The following BPIFB4 variants were observed in gnomAD, a reference collection of about 807,000 sequenced individuals.
BPIFB4 encodes BPI fold containing family B member 4.
Under a neutral mutation model 69.2 loss-of-function variants are expected in BPIFB4, and 62 were observed. The observed-to-expected ratio is 0.90, with a 90% CI of 0.73 to 1.11. The LOEUF (loss-of-function observed/expected upper bound fraction) is 1.11. Ranked by LOEUF, BPIFB4 falls within the 50% of genes least tolerant of loss-of-function variation. The pLI is 0.00. For missense variants in BPIFB4, 789 were observed against 792.0 expected (o/e 1.00, Z 0.04); for synonymous variants, 330 against 332.7 (o/e 0.99, Z 0.09).
At chr20:33,087,573 T>G (rs1600554869) in intron 7 of BPIFB4, among the ~76,000 whole-genome samples, 2 of 152,240 alleles carry the variant, frequency 1.3e-5, no homozygotes, top group East Asian at 3.8e-4. Flanking sequence ...CCTGATCTTG[T>G]GTCCTGACAA....
chr20:33,081,483 C>T, intron 2 of BPIFB4, 29 bp from the exon 3 acceptor site: 1 of 1,549,754 alleles, frequency 6.5e-7, no homozygotes, highest in Non-Finnish European at 8.7e-7. Flanking sequence ...CGCCCAGCCA[C>T]ATCTGCATCT....
intron 7 of BPIFB4, among the ~76,000 whole-genome samples, chr20:33,087,109 A>G (rs1373167623): frequency 6.6e-6 from 1 of 152,218 alleles, no homozygotes; most frequent in African/African-American, 2.4e-5. Flanking sequence ...CCCAGGGTCC[A>G]GGCAAGGAGA....
chr20:33,094,759 C>CAGAT (rs1981709567), intron 11 of BPIFB4, among the ~76,000 whole-genome samples: 1 of 152,188 alleles, frequency 6.6e-6, no homozygotes, highest in African/African-American at 2.4e-5. Flanking sequence ...CCACCTGCCT[C>CAGAT]GGCCTCCCAA....
Position 33,092,629 on chromosome 20 carries a change from G to T in BPIFB4, c.1315G>T (p.Ala439Ser), listed in dbSNP as rs149574207. The part of the protein sequence containing the change: ...SVLTLLQKQH[A>S]LDLDITNGMF... ...GCTGACTCTACTGCAGAAGCAGCAT[G>T]CTCTAGACCTGGATATCACCAATGG... Residue 439 changes from alanine to serine, a missense_variant, in exon 11 of 18, where the codon GCT becomes TCT. Physicochemically the swap from Ala to Ser is moderately conservative, Grantham distance 99. Coordinates refer to ENST00000375483, the MANE Select transcript of BPIFB4 (RefSeq NM_182519.3). 8.1e-6 allele frequency: 13 copies of T among 1,612,274 alleles called. No homozygotes were observed. The African/African-American group carries it at 1.7e-4, about 22-fold the overall frequency.
chr20:33,088,975 C>A lies in BPIFB4; in HGVS notation c.936C>A (p.Pro312=), dbSNP rs773431276. Residue 312 remains proline (P), a synonymous_variant, in exon 8 of 18, where the codon CCC becomes CCA. Coordinates refer to ENST00000375483, the MANE Select transcript of BPIFB4 (RefSeq NM_182519.3). Reference sequence around the variant, plus strand: ...GCTCCTGTCTCCTTAGGCTTCTCCCCAATCTCGTGGACAATTTAGTGAACC... The same window carrying A: ...GCTCCTGTCTCCTTAGGCTTCTCCCAAATCTCGTGGACAATTTAGTGAACC... ...IKVKLLRGLL[P]NLVDNLVNRV... is the part of the protein sequence containing the mutation. 1.9e-6 allele frequency: 3 copies of A among 1,613,868 alleles called. No individual in the cohort carries two copies. Among genetic ancestry groups the A allele is most frequent in the South Asian group, 2.2e-5 (2 of 91,060 alleles).
chr20:33,104,231 T>C (rs1248908797), intron 15 of BPIFB4, among the ~76,000 whole-genome samples: 1 of 152,194 alleles, frequency 6.6e-6, no homozygotes, highest in Non-Finnish European at 1.5e-5. Context: ...TTTTCAGATG[T>C]GGAAACCAAG....
At chr20:33,101,887 T>TCATTA (rs1420577178) in intron 14 of BPIFB4, among the ~76,000 whole-genome samples, 1 of 152,242 alleles carries the variant, frequency 6.6e-6, no homozygotes, top group African/African-American at 2.4e-5. Flanking sequence ...ATAAGTACTA[T>TCATTA]CATTATTTCC....
rs1028636514 is a variant in BPIFB4, at chr20:33,085,191, A to G, written c.782+195A>G. Among the ~76,000 whole-genome samples, 9 of 152,030 alleles carry G rather than the reference A, an allele frequency of 5.9e-5. No individual in the cohort carries two copies. In the East Asian group the frequency reaches 1.7e-3, roughly 29 times the overall value. The stretch of plus-strand genomic sequence containing the variant: ...GAGGCTGGGCTGGGAGTGGTGGCTC[A>G]TGCCTGTCATCCCAGCACTTTGGGA... On this transcript the variant is annotated intron_variant, in intron 6 of 17. Coordinates refer to ENST00000375483, the MANE Select transcript of BPIFB4 (RefSeq NM_182519.3).
chr20:33,100,332 A>C, intron 13 of BPIFB4, 94 bp from the exon 14 acceptor site: 1 of 1,064,972 alleles, frequency 9.4e-7, no homozygotes. Flanking sequence ...GGGTTAACGA[A>C]GCCCTAGCTA....
chr20:33,081,848 A>G (rs996315565), intron 3 of BPIFB4, among the ~76,000 whole-genome samples: 1 of 152,224 alleles, frequency 6.6e-6, no homozygotes, highest in Non-Finnish European at 1.5e-5. Flanking sequence ...CTTTATGCTC[A>G]TTCTTTAGAG....
intron 10 of BPIFB4, among the ~76,000 whole-genome samples, chr20:33,091,872 G>C (rs990209351): frequency 6.6e-6 from 1 of 152,260 alleles, no homozygotes; most frequent in African/African-American, 2.4e-5. Flanking sequence ...AAAGCAGGGG[G>C]TGTATGATCC....
At chr20:33,086,235 G>A (rs779119016) in intron 7 of BPIFB4, 71 bp downstream of exon 7, 60 of 1,545,232 alleles carry the variant, frequency 3.9e-5, no homozygotes, top group Admixed American at 6.8e-5. Flanking sequence ...ACAACATGAC[G>A]TCACCCACCT....
intron 13 of BPIFB4, among the ~76,000 whole-genome samples, chr20:33,099,000 T>C (rs759384111): frequency 0.011 from 1,624 of 150,896 alleles, 16 homozygotes; most frequent in Non-Finnish European, 0.019. Context: ...TTTTTTTTTT[T>C]CTTTGAGATG....
chr20:33,089,604 C>T (rs756514808), intron 9 of BPIFB4, 46 bp downstream of exon 9: 40 of 1,613,696 alleles, frequency 2.5e-5, no homozygotes, highest in Admixed American at 1.2e-4. Flanking sequence ...CACTGAGGAC[C>T]GGGCCCTTTC....
chr20:33,089,085 G>A, intron 8 of BPIFB4, 56 bp downstream of exon 8: 2 of 1,612,306 alleles, frequency 1.2e-6, no homozygotes, highest in Non-Finnish European at 8.5e-7. Flanking sequence ...CAGACTGAGG[G>A]GCCATAGTCC....
intron 1 of BPIFB4, among the ~76,000 whole-genome samples, chr20:33,080,123 T>C (rs996549206): frequency 1.3e-5 from 2 of 152,228 alleles, no homozygotes; most frequent in Non-Finnish European, 2.9e-5. Context: ...TAGTAGTCCT[T>C]TATATTCTAG....
intron 4 of BPIFB4, 67 bp from the exon 5 acceptor site, chr20:33,083,300 G>A (rs1431686071): frequency 6.6e-6 from 10 of 1,522,392 alleles, no homozygotes; most frequent in Non-Finnish European, 8.1e-6. Flanking sequence ...GGGTGGCAGT[G>A]GTGGTGGTCT....
Position 33,086,100 on chromosome 20 carries a change from C to T in BPIFB4, c.862C>T (p.Pro288Ser). ...GCTGACCATGGACCGCACGGGTTAT[C>T]CTCGGCTGGTCATTGAGCGATGTGA... Reference protein sequence around the residue: ...VRLTMDRTGYPRLVIERCDTL... With the variant: ...VRLTMDRTGYSRLVIERCDTL... The change falls in exon 7 of 18, where the codon CCT (proline) becomes TCT (serine). Residue 288 changes from proline (P) to serine (S), a missense_variant. By Grantham distance (74) the Pro-to-Ser change is moderately conservative (BLOSUM62 -1). This residue lies in a region of BPIFB4 where 611 missense variants were observed against 575.4 expected (regional missense o/e 1.06). Transcript: ENST00000375483. The T allele has an allele frequency of 6.2e-7, 1 of 1,613,578 alleles. No individual in the cohort carries two copies. The highest frequency in any genetic ancestry group is 1.3e-5 in the African/African-American group (1 of 75,014).
intron 17 of BPIFB4, among the ~76,000 whole-genome samples, chr20:33,109,645 A>C (rs1982180147): frequency 6.6e-6 from 1 of 152,226 alleles, no homozygotes; most frequent in Non-Finnish European, 1.5e-5. Context: ...TTTTCATATC[A>C]AAATACATAT....
Sources: allele counts gnomAD v4.1 joint callset (sites outside exome capture counted in the v4.1 genomes callset), GRCh38; gene constraint gnomAD v4.1.1; regional missense constraint gnomAD v4.1.1; transcripts MANE v1.5; gene names NCBI Gene and HGNC (gene_info 2026-07-23, HGNC 2026-07-21).